CSMD3: variants seen among roughly 807,000 people sequenced by gnomAD.
CSMD3 encodes CUB and Sushi multiple domains 3, also known as CUB and sushi domain-containing protein 3.
A neutral mutation model predicts 435.2 loss-of-function variants in CSMD3; 177 were observed. The ratio of observed to expected loss-of-function variants is 0.41; its 90% CI spans 0.36 to 0.46. The LOEUF (loss-of-function observed/expected upper bound fraction) is 0.46, where lower values mean the gene tolerates loss of function less well. Among genes scored for constraint, CSMD3 ranks in the 20% least tolerant of loss-of-function variants. CSMD3 has a pLI of 0.34. For missense variants in CSMD3, 4,265 were observed against 4,504.6 expected (o/e 0.95, Z 1.52); for synonymous variants, 1,656 against 1,520.5 (o/e 1.09, Z -2.07).
intron 1 of CSMD3, among the ~76,000 whole-genome samples, chr8:113,370,678 T>C (rs560421988): frequency 6.6e-6 from 1 of 152,178 alleles, no homozygotes; most frequent in African/African-American, 2.4e-5. Context: ...TACTATTAAA[T>C]GTTTACTATT....
chr8:112,487,061 G>A (rs781560186), intron 31 of CSMD3, among the ~76,000 whole-genome samples: 9 of 152,096 alleles, frequency 5.9e-5, no homozygotes, highest in Non-Finnish European at 1.3e-4. Context: ...CTCACTGTAC[G>A]TTGTAACAAT....
chr8:112,992,368 A>T (rs2085488016), intron 6 of CSMD3, among the ~76,000 whole-genome samples: 1 of 151,776 alleles, frequency 6.6e-6, no homozygotes, highest in Non-Finnish European at 1.5e-5. Context: ...AAATGTCAAA[A>T]CATACACGGT....
intron 13 of CSMD3, among the ~76,000 whole-genome samples, chr8:112,720,871 G>A (rs905695457): frequency 6.6e-6 from 1 of 152,290 alleles, no homozygotes; most frequent in South Asian, 2.1e-4. Flanking sequence ...CAGAGGGAGA[G>A]AGTAATCTTC....
intron 1 of CSMD3, among the ~76,000 whole-genome samples, chr8:113,331,986 C>A (rs1201027470): frequency 6.6e-6 from 1 of 151,520 alleles, no homozygotes; most frequent in Non-Finnish European, 1.5e-5. Flanking sequence ...GAAAGAAATA[C>A]AAATATTTGC....
chr8:112,897,492 T>A (rs1219443359), intron 10 of CSMD3, among the ~76,000 whole-genome samples: 1 of 151,340 alleles, frequency 6.6e-6, no homozygotes, highest in African/African-American at 2.4e-5. Context: ...TCCTGCCCTA[T>A]TGATTACATT....
chr8:113,114,551 C>A (rs1205206366), intron 4 of CSMD3, among the ~76,000 whole-genome samples: 2 of 152,030 alleles, frequency 1.3e-5, no homozygotes, highest in Non-Finnish European at 2.9e-5. Context: ...CTGACCTAGG[C>A]AAAAGATAAA....
At chr8:112,560,644 T>A (rs1828536919) in intron 24 of CSMD3, among the ~76,000 whole-genome samples, 1 of 151,714 alleles carries the variant, frequency 6.6e-6, no homozygotes, top group South Asian at 2.1e-4. Context: ...TTAGCAGTCA[T>A]TAACTCAAAT....
intron 3 of CSMD3, among the ~76,000 whole-genome samples, chr8:113,198,846 G>A (rs1271709387): frequency 6.7e-6 from 1 of 150,348 alleles, no homozygotes. Context: ...AAAATGTGCG[G>A]GATTATCAAA....
chr8:112,603,068 G>T (rs1372554820), intron 22 of CSMD3, among the ~76,000 whole-genome samples: 1 of 152,164 alleles, frequency 6.6e-6, no homozygotes, highest in Non-Finnish European at 1.5e-5. Flanking sequence ...AGTAGTAAAG[G>T]GCTTTTACCA....
chr8:112,510,500 T>C (rs564799610), intron 28 of CSMD3, among the ~76,000 whole-genome samples: 1 of 152,350 alleles, frequency 6.6e-6, no homozygotes, highest in South Asian at 2.1e-4. Context: ...TAACTTATGT[T>C]TTTAGATTCA....
intron 8 of CSMD3, among the ~76,000 whole-genome samples, chr8:112,951,451 TC>T: frequency 6.6e-6 from 1 of 151,764 alleles, no homozygotes; most frequent in Non-Finnish European, 1.5e-5. Flanking sequence ...CATTACCTCT[TC>T]CAGCTGCTTA....
At chr8:113,392,991 A>C (rs1401313409) in intron 1 of CSMD3, among the ~76,000 whole-genome samples, 3 of 151,626 alleles carry the variant, frequency 2.0e-5, no homozygotes, top group Non-Finnish European at 2.9e-5. Context: ...ACATATGTAT[A>C]TATATATATA....
At chr8:112,526,516 T>C (rs992633853) in intron 27 of CSMD3, among the ~76,000 whole-genome samples, 2 of 152,070 alleles carry the variant, frequency 1.3e-5, no homozygotes, top group Admixed American at 1.3e-4. Context: ...TTGTGATGGG[T>C]AATTATTACA....
chr8:112,392,859 T>G (rs1193592842), intron 35 of CSMD3, among the ~76,000 whole-genome samples: 1 of 132,330 alleles, frequency 7.6e-6, no homozygotes, highest in Non-Finnish European at 1.5e-5. Flanking sequence ...TAGTTTCTTT[T>G]TTTTCTTTTT....
At chr8:112,911,869 T>C (rs954533821) in intron 10 of CSMD3, among the ~76,000 whole-genome samples, 1 of 127,282 alleles carries the variant, frequency 7.9e-6, no homozygotes, top group Non-Finnish European at 1.6e-5. Context: ...ATATCCATTA[T>C]GTATAACATT....
chr8:113,240,688 G>A (rs563836093), intron 3 of CSMD3, among the ~76,000 whole-genome samples: 1 of 152,038 alleles, frequency 6.6e-6, no homozygotes, highest in Non-Finnish European at 1.5e-5. Context: ...TTGAATATCT[G>A]TATCAAATGT....
At chr8:112,769,930 C>T (rs1330079776) in intron 13 of CSMD3, among the ~76,000 whole-genome samples, 1 of 151,894 alleles carries the variant, frequency 6.6e-6, no homozygotes, top group Non-Finnish European at 1.5e-5. Flanking sequence ...AAATATATTA[C>T]TCTCATGTGT....
At chr8:112,685,338 A>G (rs7839990) in intron 15 of CSMD3, 68 bp downstream of exon 15, 637,785 of 1,294,184 alleles carry the variant, frequency 0.49, 160,487 homozygotes, top group African/African-American at 0.73. Context: ...ACCAATATAC[A>G]TGATCACTTT....
intron 13 of CSMD3, among the ~76,000 whole-genome samples, chr8:112,772,039 T>C (rs1211710579): frequency 2.0e-5 from 3 of 151,832 alleles, no homozygotes; most frequent in African/African-American, 7.3e-5. Flanking sequence ...CAGATTTTAA[T>C]GAAACAAAAA....
Sources: allele counts gnomAD v4.1 joint callset (sites outside exome capture counted in the v4.1 genomes callset), GRCh38; gene constraint gnomAD v4.1.1; transcripts MANE v1.5; gene names NCBI Gene and HGNC (gene_info 2026-07-23, HGNC 2026-07-21).